Variants in FAM78B observed in about 807,000 individuals in gnomAD.
FAM78B encodes family with sequence similarity 78 member B.
In FAM78B, 10 loss-of-function variants were observed where a neutral mutation model predicts 20.0. The ratio of observed to expected loss-of-function variants is 0.50; its 90% CI spans 0.31 to 0.85. FAM78B has a LOEUF of 0.85. Ranked by LOEUF, FAM78B falls within the 40% of genes least tolerant of loss-of-function variation. The pLI, the probability that FAM78B is intolerant of heterozygous loss-of-function variation, is 0.05. For missense variants in FAM78B, 283 were observed against 345.0 expected, an observed-to-expected ratio of 0.82 and a Z score of 1.42; for synonymous variants, 135 against 132.8, an observed-to-expected ratio of 1.02 and a Z score of -0.12.
At chr1:166,116,436 C>T (rs1238859828) in intron 1 of FAM78B, among the ~76,000 whole-genome samples, 2 of 152,158 alleles carry the variant, frequency 1.3e-5, no homozygotes, top group East Asian at 3.9e-4. Flanking sequence ...AACATTTCTC[C>T]GTAGTGATAG....
intron 1 of FAM78B, among the ~76,000 whole-genome samples, chr1:166,109,860 ATGTATGTG>A (rs1191971388): frequency 0.069 from 1,530 of 22,256 alleles, 211 homozygotes; most frequent in East Asian, 0.11. Context: ...ATATATATAT[ATGTATGTG>A]TATATATATA....
chr1:166,157,481 C>T (rs1175974741), intron 1 of FAM78B, among the ~76,000 whole-genome samples: 1 of 151,850 alleles, frequency 6.6e-6, no homozygotes, highest in Non-Finnish European at 1.5e-5. Flanking sequence ...GGGGAACCAG[C>T]AGCTAAATCT....
At chr1:166,060,582 C>A (rs908890499) in exon 3 of FAM78B, 2 of 1,287,888 alleles carry the variant, frequency 1.6e-6, no homozygotes, top group South Asian at 2.5e-5. Context: ...CTTCTGGAGC[C>A]GCCAGCCATT....
chr1:166,111,723 G>A (rs1480708080), intron 1 of FAM78B, among the ~76,000 whole-genome samples: 1 of 152,184 alleles, frequency 6.6e-6, no homozygotes, highest in Non-Finnish European at 1.5e-5. Context: ...GGGATCCAAC[G>A]AATGCAGGTC....
Position 166,166,175 on chromosome 1 carries a change from G to A in FAM78B, c.74C>T (p.Ala25Val), listed in dbSNP as rs1656371190. Residue 25 changes from alanine to valine, a missense_variant, in exon 1 of 2, where the codon GCC becomes GTC. Ala to Val is a moderately conservative substitution (Grantham distance 64, BLOSUM62 0). Coordinates refer to ENST00000354422, the MANE Select transcript of FAM78B (RefSeq NM_001017961.5). ...RENIVVYDVCATIDQCPTRIE... is the reference protein window; with the variant it reads ...RENIVVYDVCVTIDQCPTRIE... ...GCGCGTGGGGCACTGGTCGATGGTG[G>A]CGCACACATCGTACACCACGATGTT... 6.2e-7 allele frequency: 1 copy of A among 1,600,792 alleles called. No homozygotes were observed. The highest frequency in any genetic ancestry group is 1.3e-5 in the African/African-American group (1 of 74,650).
intron 1 of FAM78B, among the ~76,000 whole-genome samples, chr1:166,084,221 ACACACACACACACACACTCTCT>A (rs1365659718): frequency 1.5e-5 from 2 of 133,016 alleles, no homozygotes; most frequent in Non-Finnish European, 3.2e-5. Context: ...ACACACACAC[ACACACACACACACACACTCTCT>A]CTCTCTCTCT....
chr1:166,080,445 C>G (rs1652519008), intron 1 of FAM78B, among the ~76,000 whole-genome samples: 2 of 152,184 alleles, frequency 1.3e-5, no homozygotes, highest in Admixed American at 1.3e-4. Flanking sequence ...ATTAATAGTT[C>G]TGATAACATC....
At chr1:166,060,630 T>G in exon 3 of FAM78B, 1 of 1,289,100 alleles carries the variant, frequency 7.8e-7, no homozygotes, top group Non-Finnish European at 1.0e-6. Context: ...CATGTGGTTG[T>G]GCTTGCTGGG....
intron 1 of FAM78B, among the ~76,000 whole-genome samples, chr1:166,138,733 T>C (rs1055329951): frequency 2.6e-5 from 4 of 152,236 alleles, no homozygotes; most frequent in Non-Finnish European, 1.5e-5. Context: ...CTCTCCATTG[T>C]GTTTGTTTTT....
intron 1 of FAM78B, among the ~76,000 whole-genome samples, chr1:166,112,480 T>C (rs1323926208): frequency 1.3e-5 from 2 of 152,170 alleles, no homozygotes; most frequent in African/African-American, 4.8e-5. Flanking sequence ...CTCCAAATGC[T>C]GCAAGACCAA....
intron 1 of FAM78B, among the ~76,000 whole-genome samples, chr1:166,128,907 T>C (rs1654768570): frequency 6.6e-6 from 1 of 152,164 alleles, no homozygotes; most frequent in African/African-American, 2.4e-5. Flanking sequence ...CATTTAAGGA[T>C]CTCAATATCT....
At chr1:166,159,127 T>C (rs1226110088) in intron 1 of FAM78B, among the ~76,000 whole-genome samples, 2 of 152,188 alleles carry the variant, frequency 1.3e-5, no homozygotes, top group African/African-American at 4.8e-5. Flanking sequence ...GCAAGAAGCT[T>C]TGAGGAAAAG....
rs1284711550 is a variant in FAM78B at position 166,070,375 on chromosome 1, C to T, written c.652G>A (p.Glu218Lys). ...RARLVGRTQQEQPRILSRMEP... is the reference protein window; with the variant it reads ...RARLVGRTQQKQPRILSRMEP... ...ATCCGGCTCAGGATCCGGGGCTGCT[C>T]CTGCTGAGTCCTGCCCACCAGCCGG... The change falls in exon 2 of 2, where the codon GAG (glutamate) becomes AAG (lysine). Residue 218 changes from glutamate (E) to lysine (K), a missense_variant. Transcript: ENST00000354422. The T allele has an allele frequency of 1.9e-6, 3 of 1,613,984 alleles. No individual in the cohort carries two copies. The highest frequency in any genetic ancestry group is 2.2e-5 in the South Asian group (2 of 91,056).
intron 1 of FAM78B, among the ~76,000 whole-genome samples, chr1:166,101,016 G>A (rs1462320058): frequency 1.3e-5 from 2 of 152,254 alleles, no homozygotes; most frequent in Admixed American, 1.3e-4. Context: ...TGATCAGGCA[G>A]CAACATTTGC....
At position 166,109,814 on chromosome 1, in the gene FAM78B, G is replaced by GTGTA. The variant is rs1553219345; in HGVS notation, c.264-39052_264-39051insTACA. Among the ~76,000 whole-genome samples, 149 of 32,632 alleles carry GTGTA rather than the reference G, an allele frequency of 4.6e-3. 12 individuals are homozygous for GTGTA. Among genetic ancestry groups the GTGTA allele is most frequent in the African/African-American group, 0.013 (137 of 10,192 alleles). 21.4% of individuals were successfully genotyped at this position (32,632 alleles called of 152,430 possible). A position where few individuals can be genotyped will look rare whatever the true frequency, so the allele number is the denominator to read the frequency against. ...GAAACTGTGATATATATGTATATAT[G>GTGTA]TATATATATATATATATGTATATAT... On this transcript the variant is annotated intron_variant, in intron 1 of 1. Transcript: ENST00000354422.
intron 1 of FAM78B, among the ~76,000 whole-genome samples, chr1:166,150,474 T>C (rs1655633176): frequency 6.6e-6 from 1 of 152,186 alleles, no homozygotes; most frequent in Non-Finnish European, 1.5e-5. Context: ...AACTCCTACA[T>C]TGCAAGTTTC....
At chr1:166,056,964 A>C (rs1362713488), downstream of FAM78B, among the ~76,000 whole-genome samples, 1 of 152,132 alleles carries the variant, frequency 6.6e-6, no homozygotes, top group African/African-American at 2.4e-5. Flanking sequence ...AAGGAAGCTC[A>C]TTTGTCCTTT....
At chr1:166,066,831 A>T (rs375655572), downstream of FAM78B, among the ~76,000 whole-genome samples, 2 of 152,190 alleles carry the variant, frequency 1.3e-5, 1 homozygote, top group South Asian at 4.1e-4. Flanking sequence ...GTAGGGGACT[A>T]GTCTCCAACT....
intron 1 of FAM78B, among the ~76,000 whole-genome samples, chr1:166,153,257 G>A (rs979846241): frequency 6.6e-6 from 1 of 152,184 alleles, no homozygotes; most frequent in South Asian, 2.1e-4. Context: ...CAGAGAGAGA[G>A]GGGGAGCACA....
Sources: gnomAD v4.1 joint callset for allele counts (sites outside exome capture counted in the v4.1 genomes callset) on GRCh38, gnomAD v4.1.1 for gene constraint, MANE v1.5 for transcripts, NCBI Gene and HGNC (gene_info 2026-07-23, HGNC 2026-07-21) for gene names.